The following XPA variants were observed in gnomAD, a reference collection of about 807,000 sequenced individuals.
XPA encodes the protein DNA repair protein complementing XP-A cells.
In XPA, 27 loss-of-function variants were observed where a neutral mutation model predicts 35.7. That is an observed-to-expected ratio of 0.76 (90% CI 0.56 to 1.04). The LOEUF (loss-of-function observed/expected upper bound fraction) is 1.04, where lower values mean the gene tolerates loss of function less well. XPA is among the 50% of genes least tolerant of loss of function. The pLI, the probability that XPA is intolerant of heterozygous loss-of-function variation, is 0.00. For missense variants in XPA, 354 were observed against 342.7 expected (o/e 1.03, Z -0.26); for synonymous variants, 133 against 118.4 (o/e 1.12, Z -0.80).
At chr9:97,665,280 A>G in the XPA span, among the ~76,000 whole-genome samples, 1 of 152,260 alleles carries the variant, frequency 6.6e-6, no homozygotes, top group Non-Finnish European at 1.5e-5. Context: ...GTAAACTCTC[A>G]GAAAACTAAC....
At chr9:97,658,134 G>C in the XPA span, among the ~76,000 whole-genome samples, 1 of 150,868 alleles carries the variant, frequency 6.6e-6, no homozygotes, top group Admixed American at 6.6e-5. Context: ...TTGCCATTGG[G>C]GTGTCATTGG....
intron 5 of XPA, among the ~76,000 whole-genome samples, chr9:97,678,316 G>A (rs1461976888): frequency 6.6e-6 from 1 of 152,134 alleles, no homozygotes; most frequent in Non-Finnish European, 1.5e-5. Context: ...CAGGAGAATC[G>A]CATGAACCCG....
At chr9:97,676,975 TA>T (rs1564037459) in intron 5 of XPA, among the ~76,000 whole-genome samples, 1 of 152,252 alleles carries the variant, frequency 6.6e-6, no homozygotes, top group South Asian at 2.1e-4. Flanking sequence ...ATTTTCTAAA[TA>T]AAAAATGATA....
chr9:97,688,265 C>T (rs1828780199), intron 3 of XPA, among the ~76,000 whole-genome samples: 1 of 152,210 alleles, frequency 6.6e-6, no homozygotes, highest in Admixed American at 6.5e-5. Flanking sequence ...AGGCCACCTG[C>T]ATTCCTGAAC....
the XPA span, among the ~76,000 whole-genome samples, chr9:97,659,395 C>G: frequency 1.3e-5 from 2 of 152,152 alleles, no homozygotes; most frequent in African/African-American, 4.8e-5. Flanking sequence ...TCACAACTTT[C>G]TGCTGTTCTT....
At chr9:97,689,345 T>C (rs1462121418) in intron 3 of XPA, among the ~76,000 whole-genome samples, 189 bp downstream of exon 3, 1 of 152,146 alleles carries the variant, frequency 6.6e-6, no homozygotes, top group Non-Finnish European at 1.5e-5. Context: ...TTTTATGGGG[T>C]ATATCATAAG....
chr9:97,676,982 T>C (rs1828386216), intron 5 of XPA, among the ~76,000 whole-genome samples: 1 of 152,284 alleles, frequency 6.6e-6, no homozygotes, highest in Admixed American at 6.5e-5. Flanking sequence ...AAATAAAAAA[T>C]GATATGCTAA....
At chr9:97,689,105 A>G (rs924086357) in intron 3 of XPA, among the ~76,000 whole-genome samples, 5 of 152,214 alleles carry the variant, frequency 3.3e-5, no homozygotes, top group African/African-American at 1.2e-4. Context: ...CAAAAGATGA[A>G]TGAAAAAGGT....
the XPA span, chr9:97,662,018 G>T: frequency 6.4e-7 from 1 of 1,565,024 alleles, no homozygotes; most frequent in South Asian, 1.1e-5. Context: ...ACATTTTTCT[G>T]TTTTACTATA....
the XPA span, chr9:97,656,040 G>A: frequency 6.2e-7 from 1 of 1,614,066 alleles, no homozygotes; most frequent in Non-Finnish European, 8.5e-7. Flanking sequence ...GATCCTGAAA[G>A]TCCCAAACCG....
chr9:97,675,507 G>C lies in XPA; in HGVS notation c.754C>G (p.Leu252Val), dbSNP rs3176750. ...GTCTTACGGTACATGTCATCTTCTA[G>C]GTTTTCTTCTGGTCCATACTCATGT... ...HQHEYGPEEN[L>V]EDDMYRKTCT... The change falls in exon 6 of 6, where the codon CTA becomes GTA. Residue 252 changes from leucine to valine, a missense_variant. Coordinates refer to ENST00000375128, the MANE Select transcript of XPA (RefSeq NM_000380.4). The C allele has an allele frequency of 1.8e-3, 2,957 of 1,613,834 alleles. 37 individuals are homozygous for C. The African/African-American group carries it at 0.032, about 18-fold the overall frequency.
At chr9:97,655,901 A>T in the XPA span, 1 of 1,338,648 alleles carries the variant, frequency 7.5e-7, no homozygotes, top group South Asian at 1.3e-5. Flanking sequence ...AAGTGCAATT[A>T]TAACTTAACA....
At chr9:97,694,295 T>C (rs889634884) in intron 1 of XPA, among the ~76,000 whole-genome samples, 1 of 152,252 alleles carries the variant, frequency 6.6e-6, no homozygotes, top group Admixed American at 6.5e-5. Context: ...TTTCATATTT[T>C]GGGCCATGGT....
the XPA span, among the ~76,000 whole-genome samples, chr9:97,657,183 A>G: frequency 6.6e-6 from 1 of 151,880 alleles, no homozygotes; most frequent in Non-Finnish European, 1.5e-5. Flanking sequence ...AGCTGGGATG[A>G]TCTCGATCTC....
At chr9:97,684,080 G>A (rs1440713429) in intron 5 of XPA, among the ~76,000 whole-genome samples, 1 of 152,144 alleles carries the variant, frequency 6.6e-6, no homozygotes, top group East Asian at 1.9e-4. Flanking sequence ...CTGTGATAGA[G>A]CACAAAGTGA....
intron 5 of XPA, chr9:97,676,073 T>TG (rs1471849391): frequency 1.2e-5 from 2 of 164,272 alleles, no homozygotes; most frequent in African/African-American, 4.8e-5. Flanking sequence ...ACCACTATGC[T>TG]GGTATGTTTT....
chr9:97,671,010 C>T, downstream of XPA: 1 of 908,286 alleles, frequency 1.1e-6, no homozygotes, highest in Non-Finnish European at 1.7e-6. Context: ...CATGGGTGGG[C>T]TGCTGAAGGA....
At position 97,675,335 on chromosome 9, in the gene XPA, A is replaced by G; in HGVS notation, c.*104T>C. 1 of 1,216,892 alleles carries G rather than the reference A, an allele frequency of 8.2e-7. No individual in the cohort carries two copies. The allele number at this position is 1,216,892 out of a possible 1,614,324, so 75.4% of individuals were successfully genotyped here. On this transcript the variant is annotated 3_prime_UTR_variant, in exon 6 of 6. Coordinates refer to ENST00000375128, the MANE Select transcript of XPA (RefSeq NM_000380.4). ...TATTACTTATACAAGGGTTTCATTC[A>G]TCTATGAAGATGTTGCTTTTTTTTT...
the XPA span, chr9:97,660,825 A>G: frequency 2.6e-6 from 3 of 1,173,332 alleles, no homozygotes; most frequent in Non-Finnish European, 3.5e-6. Context: ...ACCTTGGGAT[A>G]AAGAGCATCC....
Sources: gnomAD v4.1 joint callset for allele counts (sites outside exome capture counted in the v4.1 genomes callset) on GRCh38, gnomAD v4.1.1 for gene constraint, MANE v1.5 for transcripts, NCBI Gene and HGNC (gene_info 2026-07-23, HGNC 2026-07-21) for gene names.